Variants in DIAPH1 observed in about 807,000 individuals in gnomAD.
DIAPH1 encodes the protein diaphanous related formin 1.
A neutral mutation model predicts 140.7 loss-of-function variants in DIAPH1; 46 were observed. The ratio of observed to expected loss-of-function variants is 0.33; its 90% CI spans 0.26 to 0.42. The LOEUF is 0.42. DIAPH1 is among the 10% of genes least tolerant of loss of function. The probability of loss-of-function intolerance (pLI) is 1.00; values close to 1 mark genes in which losing one functional copy is unlikely to be tolerated. For synonymous variants in DIAPH1, 565 were observed against 551.6 expected, an observed-to-expected ratio of 1.02 and a Z score of -0.34; for missense variants, 1,310 against 1,558.7, an observed-to-expected ratio of 0.84 and a Z score of 2.69.
intron 27 of DIAPH1, among the ~76,000 whole-genome samples, chr5:141,521,987 G>A (rs1031192341): frequency 6.6e-6 from 1 of 152,160 alleles, no homozygotes; most frequent in African/African-American, 2.4e-5. Context: ...AACACAGACA[G>A]CATCAGAACT....
At chr5:141,555,718 A>T (rs565541782) in intron 18 of DIAPH1, among the ~76,000 whole-genome samples, 12 of 152,144 alleles carry the variant, frequency 7.9e-5, no homozygotes, top group Admixed American at 2.6e-4. Flanking sequence ...AAAGAGGAAA[A>T]TTTTTTCTGC....
Position 141,528,443 on chromosome 5 carries a change from A to G in DIAPH1, c.3148+10T>C. On this transcript the variant is annotated intron_variant, in intron 23 of 27. Transcript: ENST00000389054. ...CTTTTGGGCTCTAGCTTCATTCCAA[A>G]CTGCCCCACCTCGGCTGGCTTTCTC... is the stretch of plus-strand genomic sequence containing the variant. 1 of 1,613,992 alleles carries G rather than the reference A, an allele frequency of 6.2e-7. No homozygotes were observed. Among genetic ancestry groups the G allele is most frequent in the Non-Finnish European group, 8.5e-7 (1 of 1,179,980 alleles).
chr5:141,599,291 C>G (rs2099899782), intron 1 of DIAPH1, among the ~76,000 whole-genome samples: 1 of 152,164 alleles, frequency 6.6e-6, no homozygotes, highest in Admixed American at 6.5e-5. Context: ...TTGCAAGAAC[C>G]ATGTGGCCAG....
intron 27 of DIAPH1, among the ~76,000 whole-genome samples, chr5:141,522,337 C>T (rs2099886671): frequency 2.0e-5 from 3 of 152,152 alleles, no homozygotes; most frequent in Admixed American, 6.5e-5. Context: ...AGTACTTTGA[C>T]TAATTCAGGT....
intron 18 of DIAPH1, among the ~76,000 whole-genome samples, chr5:141,546,248 GGC>G (rs1229326033): frequency 6.6e-6 from 1 of 152,098 alleles, no homozygotes; most frequent in African/African-American, 2.4e-5. Flanking sequence ...CAGGCATGGT[GGC>G]GCATGCCTGT....
At chr5:141,577,927 C>G in intron 11 of DIAPH1, 1 of 523,600 alleles carries the variant, frequency 1.9e-6, no homozygotes, top group Non-Finnish European at 3.4e-6. Flanking sequence ...GTCCAAACAT[C>G]TCTAAAAGCC....
intron 18 of DIAPH1, among the ~76,000 whole-genome samples, chr5:141,545,156 AAGG>A (rs1218209936): frequency 1.3e-5 from 2 of 152,228 alleles, no homozygotes; most frequent in African/African-American, 4.8e-5. Flanking sequence ...GTTTGGCAAT[AAGG>A]AGGAGGACTG....
intron 18 of DIAPH1, among the ~76,000 whole-genome samples, chr5:141,561,370 T>G (rs981537635): frequency 7.2e-5 from 11 of 151,996 alleles, no homozygotes; most frequent in African/African-American, 1.2e-4. Flanking sequence ...TTTTGTTTTT[T>G]TTTTTTTTAC....
At chr5:141,592,137 G>A (rs1464447125) in intron 1 of DIAPH1, among the ~76,000 whole-genome samples, 1 of 151,486 alleles carries the variant, frequency 6.6e-6, no homozygotes. Context: ...ATGTTTTAGT[G>A]TTCAATTTGG....
At chr5:141,587,638 TA>T (rs1335145834) in intron 2 of DIAPH1, among the ~76,000 whole-genome samples, 1 of 152,216 alleles carries the variant, frequency 6.6e-6, no homozygotes. Flanking sequence ...TTTTAATAGA[TA>T]CAAGCCAAAT....
At chr5:141,608,167 C>T (rs1055077462) in intron 1 of DIAPH1, among the ~76,000 whole-genome samples, 7 of 152,082 alleles carry the variant, frequency 4.6e-5, no homozygotes, top group Admixed American at 2.0e-4. Flanking sequence ...TAGCTGGGCC[C>T]GGTGGCCTGT....
intron 3 of DIAPH1, 51 bp from the exon 4 acceptor site, chr5:141,584,276 C>T (rs779521958): frequency 1.8e-6 from 2 of 1,081,874 alleles, no homozygotes; most frequent in Non-Finnish European, 2.8e-6. Context: ...AAATTCTTTA[C>T]AAATTTTTAG....
At chr5:141,525,586 A>C (rs1432655156) in intron 26 of DIAPH1, among the ~76,000 whole-genome samples, 1 of 152,216 alleles carries the variant, frequency 6.6e-6, no homozygotes, top group Non-Finnish European at 1.5e-5. Flanking sequence ...TTGTGCATAC[A>C]ACTGTGCTAA....
intron 18 of DIAPH1, among the ~76,000 whole-genome samples, chr5:141,560,036 C>T (rs78410584): frequency 0.013 from 2,036 of 152,306 alleles, 40 homozygotes; most frequent in African/African-American, 0.047. Flanking sequence ...GTACACATCT[C>T]TAAAAGATGA....
rs1014526186 is a variant in DIAPH1, at chr5:141,618,976, C to G, written c.-62G>C. The G allele has an allele frequency of 1.6e-5, 14 of 897,594 alleles. No individual in the cohort carries two copies. Among genetic ancestry groups the G allele is most frequent in the Non-Finnish European group, 2.2e-5 (14 of 647,378 alleles). The allele number at this position is 897,594 out of a possible 1,614,324, so 55.6% of individuals were successfully genotyped here. On this transcript the variant is annotated 5_prime_UTR_variant, in exon 1 of 28. Transcript: ENST00000389054. Reference sequence around the variant, plus strand: ...GCCGCTCCCGCCTGGCAGCTCCGCGCCCGCCGCCGCCCAGTCGCTCTTTAG... The same window carrying G: ...GCCGCTCCCGCCTGGCAGCTCCGCGGCCGCCGCCGCCCAGTCGCTCTTTAG...
intron 18 of DIAPH1, among the ~76,000 whole-genome samples, chr5:141,554,194 T>A (rs1401061180): frequency 6.6e-6 from 1 of 152,112 alleles, no homozygotes; most frequent in Non-Finnish European, 1.5e-5. Flanking sequence ...GGAGAATCGC[T>A]TGAACCTGAG....
At chr5:141,523,571 A>G (rs926261133) in intron 27 of DIAPH1, among the ~76,000 whole-genome samples, 3 of 152,166 alleles carry the variant, frequency 2.0e-5, no homozygotes, top group African/African-American at 7.2e-5. Context: ...TGGGGAAGGC[A>G]AGGGCAATAG....
At chr5:141,582,075 A>AG (rs1253989139) in intron 7 of DIAPH1, 1 of 391,126 alleles carries the variant, frequency 2.6e-6, no homozygotes, top group Non-Finnish European at 4.6e-6. Context: ...AAAAAAAAAA[A>AG]AAAAAAAAAA....
At chr5:141,580,530 A>G (rs1434896647) in intron 8 of DIAPH1, among the ~76,000 whole-genome samples, 1 of 152,148 alleles carries the variant, frequency 6.6e-6, no homozygotes, top group Non-Finnish European at 1.5e-5. Flanking sequence ...ACATTTTGCT[A>G]TACCTCTGAT....
Sources: gnomAD v4.1 joint callset for allele counts (sites outside exome capture counted in the v4.1 genomes callset) on GRCh38, gnomAD v4.1.1 for gene constraint, MANE v1.5 for transcripts, NCBI Gene and HGNC (gene_info 2026-07-23, HGNC 2026-07-21) for gene names.